Variants in PPM1G observed in about 807,000 individuals in gnomAD.
PPM1G encodes the protein protein phosphatase 1G.
PPM1G carries 12 observed loss-of-function variants against 59.4 expected under a neutral mutation model. The observed-to-expected ratio is 0.20, with a 90% confidence interval of 0.13 to 0.33. PPM1G has a LOEUF of 0.33. Among genes scored for constraint, PPM1G ranks in the 10% least tolerant of loss-of-function variants. The probability of loss-of-function intolerance (pLI) is 1.00; values close to 1 mark genes in which losing one functional copy is unlikely to be tolerated. For synonymous variants in PPM1G, 245 were observed against 251.9 expected (o/e 0.97, Z 0.26); for missense variants, 392 against 681.3 (o/e 0.58, Z 4.73).
rs1663466426 is a variant in PPM1G, at chr2:27,409,532, C to G, written c.-110G>C. 3 of 1,296,042 alleles carry G rather than the reference C, an allele frequency of 2.3e-6. No individual in the cohort carries two copies. Among genetic ancestry groups the G allele is most frequent in the African/African-American group, 3.1e-5 (2 of 63,614 alleles). The allele number at this position is 1,296,042 out of a possible 1,614,324, so 80.3% of individuals were successfully genotyped here. A position where few individuals can be genotyped will look rare whatever the true frequency, so the allele number is the denominator to read the frequency against. ...GGAGCAGGCCCCGCGGCGCGACCGA[C>G]GCAAGGTGCCGGTGAAAGGCGCGAG... On this transcript the variant is annotated 5_prime_UTR_variant, in exon 1 of 10. Transcript: ENST00000344034.
intron 1 of PPM1G, among the ~76,000 whole-genome samples, chr2:27,404,947 G>GA (rs527530570): frequency 0.038 from 2,337 of 61,252 alleles, 45 homozygotes; most frequent in African/African-American, 0.079. Flanking sequence ...CCGTCTCGGA[G>GA]AAAAAAAAAA....
intron 1 of PPM1G, among the ~76,000 whole-genome samples, chr2:27,392,617 G>T (rs955543049): frequency 6.7e-6 from 1 of 150,232 alleles, no homozygotes; most frequent in Non-Finnish European, 1.5e-5. Flanking sequence ...TTTTTGGGGG[G>T]GGGGAGGGTA....
rs771646355 is a variant in PPM1G, at chr2:27,385,822, T to C, written c.334A>G (p.Lys112Glu). The C allele has an allele frequency of 6.2e-7, 1 of 1,614,100 alleles. No homozygotes were observed. The highest frequency in any genetic ancestry group is 1.1e-5 in the South Asian group (1 of 91,050). Residue 112 changes from lysine (K) to glutamate (E), a missense_variant, in exon 4 of 10, where the codon AAA becomes GAA. By Grantham distance (56) the Lys-to-Glu change is moderately conservative. Transcript: ENST00000344034. This position sits in a 1 kb window ranked among gnomAD's most constrained non-coding sequence, Gnocchi z 4.1. ...DAKLTTEEVI[K>E]ELAQIAGRPT... ...CGCCCTGCAATCTGTGCCAGCTCTT[T>C]AATGACTTCTTCAGTGGTCAATTTG...
chr2:27,388,365 C>T (rs1397424448), intron 1 of PPM1G, among the ~76,000 whole-genome samples: 1 of 151,982 alleles, frequency 6.6e-6, no homozygotes, highest in Non-Finnish European at 1.5e-5. Flanking sequence ...GCCAAGATCA[C>T]ACCACTGCGC....
In PPM1G at chr2:27,385,365, T is replaced by A; in HGVS notation, c.410-277A>T. 2 of 436,764 alleles carry A rather than the reference T, an allele frequency of 4.6e-6. No individual in the cohort carries two copies. Among genetic ancestry groups the A allele is most frequent in the Admixed American group, 8.1e-5 (2 of 24,816 alleles). The allele number at this position is 436,764 out of a possible 1,614,324, so 27.1% of individuals were successfully genotyped here. A position where few individuals can be genotyped will look rare whatever the true frequency, so the allele number is the denominator to read the frequency against. On this transcript the variant is annotated intron_variant, in intron 4 of 9. Coordinates refer to ENST00000344034, the MANE Select transcript of PPM1G (RefSeq NM_177983.3). This position sits in a 1 kb window ranked among gnomAD's most constrained non-coding sequence, Gnocchi z 4.1. ...TTTTATTGTTAAGTTGTAAAAACCCTATTCTGGCTGAGGATCCAGGAAGCC... is the reference window on the plus strand; with the variant it reads ...TTTTATTGTTAAGTTGTAAAAACCCAATTCTGGCTGAGGATCCAGGAAGCC...
intron 1 of PPM1G, among the ~76,000 whole-genome samples, chr2:27,391,736 C>CTT (rs1399370496): frequency 6.1e-4 from 86 of 140,776 alleles, no homozygotes; most frequent in African/African-American, 2.0e-3. Flanking sequence ...TTTTTTCTTT[C>CTT]TTTTTTTTTT....
chr2:27,385,843 A>T lies in PPM1G; in HGVS notation c.313T>A (p.Leu105Met), dbSNP rs760390481. 6.2e-7 allele frequency: 1 copy of T among 1,613,906 alleles called. No individual in the cohort carries two copies. Among genetic ancestry groups the T allele is most frequent in the African/African-American group, 1.3e-5 (1 of 74,922 alleles). ...EDAFLAIDAK[L>M]TTEEVIKELA... Reference sequence around the variant, plus strand: ...TCTTTAATGACTTCTTCAGTGGTCAATTTGGCGTCAATAGCCAAGAAGGCA... The same window carrying T: ...TCTTTAATGACTTCTTCAGTGGTCATTTTGGCGTCAATAGCCAAGAAGGCA... The change falls in exon 4 of 10, where the codon TTG (leucine) becomes ATG (methionine). Residue 105 changes from leucine (L) to methionine (M), a missense_variant. Leu to Met is a conservative substitution (Grantham distance 15). Around this residue, in one of 6 missense-constraint regions of PPM1G, gnomAD observed 68 missense variants for 145.9 expected, o/e 0.47. Coordinates refer to ENST00000344034, the MANE Select transcript of PPM1G (RefSeq NM_177983.3). The surrounding 1 kb of genome is among the most constrained non-coding windows in gnomAD (Gnocchi z 4.1).
At position 27,384,882 on chromosome 2, in the gene PPM1G, G is replaced by T. The variant is rs779528558; in HGVS notation, c.616C>A (p.Pro206Thr). ...TRETPSQENG[P>T]TAKAYTGFSS... ...AAGCCTGTGTAGGCCTTGGCTGTGG[G>T]GCCATTTTCTTGTGAAGGAGTTTCC... The change falls in exon 5 of 10, where the codon CCC becomes ACC. Residue 206 changes from proline to threonine, a missense_variant. Around this residue, in one of 6 missense-constraint regions of PPM1G, gnomAD observed 188 missense variants for 248.8 expected, o/e 0.76. Coordinates refer to ENST00000344034, the MANE Select transcript of PPM1G (RefSeq NM_177983.3). This position sits in a 1 kb window ranked among gnomAD's most constrained non-coding sequence, Gnocchi z 4.8. 6.2e-7 allele frequency: 1 copy of T among 1,614,116 alleles called. No individual in the cohort carries two copies. Among genetic ancestry groups the T allele is most frequent in the Non-Finnish European group, 8.5e-7 (1 of 1,180,028 alleles).
intron 1 of PPM1G, chr2:27,392,739 G>T: frequency 8.7e-7 from 1 of 1,151,764 alleles, no homozygotes; most frequent in South Asian, 1.2e-5. Flanking sequence ...CTGCCTTGGT[G>T]ACAAGGTAAG....
Position 27,387,075 on chromosome 2 carries a change from T to A in PPM1G, c.190+14A>T, listed in dbSNP as rs374201905. On this transcript the variant is annotated intron_variant, in intron 2 of 9. Transcript: ENST00000344034. Reference sequence around the variant, plus strand: ...GGGTCCTAGAATGTTACCAATATGATCTGTTAAAGTTACCTCCATGTCCAT... The same window carrying A: ...GGGTCCTAGAATGTTACCAATATGAACTGTTAAAGTTACCTCCATGTCCAT... The A allele has an allele frequency of 6.3e-7, 1 of 1,592,276 alleles. No homozygotes were observed. The highest frequency in any genetic ancestry group is 8.6e-7 in the Non-Finnish European group (1 of 1,160,222).
At chr2:27,404,294 T>C (rs1210157744) in intron 1 of PPM1G, among the ~76,000 whole-genome samples, 1 of 152,092 alleles carries the variant, frequency 6.6e-6, no homozygotes, top group Non-Finnish European at 1.5e-5. Context: ...ACATCTGTAA[T>C]CCCAGCACTT....
chr2:27,399,746 T>A (rs947601835), intron 1 of PPM1G, among the ~76,000 whole-genome samples: 1 of 152,210 alleles, frequency 6.6e-6, no homozygotes, highest in Non-Finnish European at 1.5e-5. Flanking sequence ...GTAGTGAACA[T>A]GTGAAGGAAC....
intron 1 of PPM1G, among the ~76,000 whole-genome samples, chr2:27,403,838 C>G (rs951009573): frequency 6.6e-6 from 1 of 151,610 alleles, no homozygotes; most frequent in East Asian, 1.9e-4. Flanking sequence ...GAGATCACAC[C>G]ACTGCACTCT....
intron 1 of PPM1G, among the ~76,000 whole-genome samples, chr2:27,402,466 T>C (rs1396001811): frequency 6.6e-6 from 1 of 152,212 alleles, no homozygotes; most frequent in South Asian, 2.1e-4. Context: ...GTTCTGATTG[T>C]ATTTTCCAGT....
chr2:27,402,988 T>C (rs1291481984), intron 1 of PPM1G, among the ~76,000 whole-genome samples: 1 of 151,056 alleles, frequency 6.6e-6, no homozygotes, highest in Non-Finnish European at 1.5e-5. Flanking sequence ...GGAAGACCCC[T>C]TGAGCCCAGA....
chr2:27,383,476 T>C lies in PPM1G; in HGVS notation c.1091A>G (p.Tyr364Cys), dbSNP rs377329230. 3.9e-5 allele frequency: 63 copies of C among 1,614,056 alleles called. No individual in the cohort carries two copies. Among genetic ancestry groups the C allele is most frequent in the South Asian group, 2.6e-4 (24 of 91,092 alleles). ...TACTTCATCCTCTGGTTTGTGATCA[T>C]AGGACATGTCTAAAGCTTTGCCAGC... ...SEAGKALDMS[Y>C]DHKPEDEVEL... Residue 364 changes from tyrosine to cysteine, a missense_variant, in exon 7 of 10, where the codon TAT (tyrosine) becomes TGT (cysteine). Tyr to Cys is a radical substitution (Grantham distance 194). Transcript: ENST00000344034. This position sits in a 1 kb window ranked among gnomAD's most constrained non-coding sequence, Gnocchi z 5.0.
Position 27,384,946 on chromosome 2 carries a change from C to T in PPM1G, c.552G>A (p.Gln184=). Residue 184 remains glutamine (Q), a synonymous_variant, in exon 5 of 10, where the codon CAG becomes CAA. Coordinates refer to ENST00000344034, the MANE Select transcript of PPM1G (RefSeq NM_177983.3). The surrounding 1 kb of genome is among the most constrained non-coding windows in gnomAD (Gnocchi z 4.8). Reference sequence around the variant, plus strand: ...CAGGTCCTGCCTCCCCATTGAGGCCCTGGGACCCTGGTTCCTCGCCTGTCC... The same window carrying T: ...CAGGTCCTGCCTCCCCATTGAGGCCTTGGGACCCTGGTTCCTCGCCTGTCC... The part of the protein sequence containing the change: ...GGGTGEEPGS[Q]GLNGEAGPED... 1 of 1,614,200 alleles carries T rather than the reference C, an allele frequency of 6.2e-7. No individual in the cohort carries two copies. The highest frequency in any genetic ancestry group is 8.5e-7 in the Non-Finnish European group (1 of 1,180,038).
intron 1 of PPM1G, among the ~76,000 whole-genome samples, chr2:27,402,573 G>A (rs928077990): frequency 2.0e-5 from 3 of 152,048 alleles, no homozygotes; most frequent in Admixed American, 6.6e-5. Context: ...TTGGGAGGCC[G>A]ATGTGGGTGG....
chr2:27,395,239 AAAAAAAAAAAAG>A (rs1272212835), intron 1 of PPM1G, among the ~76,000 whole-genome samples: 2 of 147,586 alleles, frequency 1.4e-5, no homozygotes, highest in Non-Finnish European at 3.0e-5. Context: ...GTCTCAAAAA[AAAAAAAAAAAAG>A]AAAGAAAGAA....
Sources: gnomAD v4.1 joint callset for allele counts (sites outside exome capture counted in the v4.1 genomes callset) on GRCh38, gnomAD v4.1.1 for gene constraint, gnomAD v4.1.1 regional missense constraint, Gnocchi (gnomAD v3.1) non-coding constraint, MANE v1.5 for transcripts, NCBI Gene and HGNC (gene_info 2026-07-23, HGNC 2026-07-21) for gene names.